DLGAP2: variants seen among roughly 807,000 people sequenced by gnomAD.
DLGAP2 encodes the protein disks large-associated protein 2.
DLGAP2 carries 26 observed loss-of-function variants against 100.3 expected under a neutral mutation model. The observed-to-expected ratio is 0.26, with a 90% CI of 0.19 to 0.36. The LOEUF (loss-of-function observed/expected upper bound fraction) is 0.36, where lower values mean the gene tolerates loss of function less well. DLGAP2 is among the 10% of genes least tolerant of loss of function. DLGAP2 has a pLI of 1.00. For synonymous variants in DLGAP2, 886 were observed against 630.1 expected, an observed-to-expected ratio of 1.41 and a Z score of -6.08; for missense variants, 1,858 against 1,453.2, an observed-to-expected ratio of 1.28 and a Z score of -4.53.
At chr8:913,483 A>C (rs1164705584) in intron 2 of DLGAP2, among the ~76,000 whole-genome samples, 1 of 152,228 alleles carries the variant, frequency 6.6e-6, no homozygotes, top group Non-Finnish European at 1.5e-5. Flanking sequence ...TGTTGAAATG[A>C]GTCTTGACTC....
At chr8:824,084 C>A (rs1479814464) in intron 1 of DLGAP2, among the ~76,000 whole-genome samples, 1 of 150,608 alleles carries the variant, frequency 6.6e-6, no homozygotes, top group Non-Finnish European at 1.5e-5. Flanking sequence ...TTTCCTTCTT[C>A]TTTCTTTCTT....
chr8:1,251,370 C>T (rs80156662), intron 2 of DLGAP2, among the ~76,000 whole-genome samples: 5,437 of 152,202 alleles, frequency 0.036, 303 homozygotes, highest in African/African-American at 0.11. Flanking sequence ...TTGCCTTTTG[C>T]TCTTTCTGTT....
At chr8:1,668,975 G>A (rs961860808) in intron 9 of DLGAP2, among the ~76,000 whole-genome samples, 1 of 152,188 alleles carries the variant, frequency 6.6e-6, no homozygotes, top group Non-Finnish European at 1.5e-5. Flanking sequence ...TGTTTTCCAA[G>A]GGCCAAAGGC....
chr8:1,008,087 C>G (rs992053965), intron 2 of DLGAP2, among the ~76,000 whole-genome samples: 2 of 152,192 alleles, frequency 1.3e-5, no homozygotes, highest in Non-Finnish European at 2.9e-5. Flanking sequence ...AAAGTATTTT[C>G]TTTTTCATCC....
chr8:852,206 T>C (rs1164032126), intron 1 of DLGAP2, among the ~76,000 whole-genome samples: 1 of 152,184 alleles, frequency 6.6e-6, no homozygotes, highest in Non-Finnish European at 1.5e-5. Context: ...ATAGGAAATC[T>C]GTCTCTCTCA....
chr8:854,037 G>T (rs1462386570), intron 1 of DLGAP2, among the ~76,000 whole-genome samples: 1 of 152,202 alleles, frequency 6.6e-6, no homozygotes, highest in Non-Finnish European at 1.5e-5. Flanking sequence ...TCTGGACCAG[G>T]AAAGAGGCCC....
At chr8:963,167 G>A (rs1302675183) in intron 2 of DLGAP2, among the ~76,000 whole-genome samples, 1 of 152,164 alleles carries the variant, frequency 6.6e-6, no homozygotes, top group Non-Finnish European at 1.5e-5. Flanking sequence ...CCACACCCAG[G>A]AAGGAGATGG....
At chr8:1,116,313 C>G (rs571051157) in intron 2 of DLGAP2, among the ~76,000 whole-genome samples, 39 of 152,348 alleles carry the variant, frequency 2.6e-4, no homozygotes, top group Middle Eastern at 3.4e-3. Context: ...CCAGCTGTGT[C>G]TCAGCCACAG....
Position 1,490,695 on chromosome 8 carries a change from G to C in DLGAP2, c.107-10671G>C, listed in dbSNP as rs201261268. On this transcript the variant is annotated intron_variant, in intron 3 of 14. Transcript: ENST00000637795. ...CTGGCTGTGGATTGATTCACCTGTG[G>C]CACTGTCAAATGAACTGACCTGGGC... 1.5e-3 allele frequency among the ~76,000 whole-genome samples: 223 copies of C among 152,264 alleles called. No homozygotes were observed. The East Asian group carries it at 0.03, about 21-fold the overall frequency.
chr8:1,551,392 C>T (rs1192228110), intron 5 of DLGAP2, among the ~76,000 whole-genome samples: 3 of 152,164 alleles, frequency 2.0e-5, no homozygotes, highest in Non-Finnish European at 4.4e-5. Flanking sequence ...CTTCAGGACA[C>T]TGTCAGAGCC....
At chr8:1,279,174 AT>A (rs1027995190) in intron 3 of DLGAP2, among the ~76,000 whole-genome samples, 1 of 152,202 alleles carries the variant, frequency 6.6e-6, no homozygotes, top group African/African-American at 2.4e-5. Flanking sequence ...ATCTATGATA[AT>A]TTTAAGTTAG....
At chr8:1,214,679 G>A (rs994644452) in intron 2 of DLGAP2, among the ~76,000 whole-genome samples, 47 of 152,212 alleles carry the variant, frequency 3.1e-4, no homozygotes, top group African/African-American at 9.7e-4. Context: ...TAACAAGGAC[G>A]GCGCCTTTCA....
intron 3 of DLGAP2, chr8:1,302,755 G>T (rs1204082029): frequency 5.2e-5 from 8 of 152,434 alleles, no homozygotes; most frequent in African/African-American, 1.7e-4. Flanking sequence ...AAGGGCTCTT[G>T]CCCCGCCTGG....
intron 4 of DLGAP2, among the ~76,000 whole-genome samples, chr8:1,509,086 A>C (rs1425661334): frequency 6.6e-6 from 1 of 151,956 alleles, no homozygotes; most frequent in East Asian, 1.9e-4. Context: ...TAATCTCAGC[A>C]CTTTGGGAGG....
At position 1,623,462 on chromosome 8, in the gene DLGAP2, C is replaced by T. The variant is rs543884334; in HGVS notation, c.1443-3278C>T. Among the ~76,000 whole-genome samples the T allele has an allele frequency of 1.5e-4, 23 of 149,406 alleles. No homozygotes were observed. The South Asian group carries it at 3.2e-3, about 21-fold the overall frequency. On this transcript the variant is annotated intron_variant, in intron 6 of 14. Coordinates refer to ENST00000637795, the MANE Select transcript of DLGAP2 (RefSeq NM_001346810.2). ...AGTGCATCATGACCTGACACCAGCG[C>T]GCAATGACCTGACACCAGTGCACGA...
At chr8:1,138,163 T>C (rs1490370643) in intron 2 of DLGAP2, among the ~76,000 whole-genome samples, 1 of 152,172 alleles carries the variant, frequency 6.6e-6, no homozygotes, top group Non-Finnish European at 1.5e-5. Flanking sequence ...AAACGGGGTG[T>C]CTCCCAGCTC....
chr8:1,191,202 C>G (rs547742716), intron 2 of DLGAP2, among the ~76,000 whole-genome samples: 18 of 146,054 alleles, frequency 1.2e-4, no homozygotes, highest in Middle Eastern at 6.9e-3. Flanking sequence ...GACGGAATCT[C>G]ACTCTGTCAC....
At chr8:1,409,237 C>T (rs546298298) in intron 3 of DLGAP2, among the ~76,000 whole-genome samples, 4 of 151,622 alleles carry the variant, frequency 2.6e-5, no homozygotes, top group South Asian at 2.1e-4. Flanking sequence ...AAGCCCATCT[C>T]CCCTTGGCAG....
At chr8:743,960 C>T (rs758275403) in intron 1 of DLGAP2, among the ~76,000 whole-genome samples, 2 of 152,254 alleles carry the variant, frequency 1.3e-5, no homozygotes, top group Non-Finnish European at 2.9e-5. Context: ...CGTGGATTCA[C>T]GTCGTGTGTC....
Sources: gnomAD v4.1 joint callset for allele counts (sites outside exome capture counted in the v4.1 genomes callset) on GRCh38, gnomAD v4.1.1 for gene constraint, MANE v1.5 for transcripts, NCBI Gene and HGNC (gene_info 2026-07-23, HGNC 2026-07-21) for gene names.